Variants in CFAP144 observed in about 807,000 individuals in gnomAD.
The protein encoded by CFAP144 is cilia- and flagella-associated protein 144.
the CFAP144 span, chr1:43,156,100 C>T: frequency 1.0e-4 from 90 of 886,104 alleles, 1 homozygote; most frequent in African/African-American, 1.3e-3. Context: ...AATGCAGCCA[C>T]AGGCTGGGAG....
the CFAP144 span, among the ~76,000 whole-genome samples, chr1:43,148,430 TCTTCAGG>T: frequency 6.6e-6 from 1 of 152,214 alleles, no homozygotes; most frequent in Non-Finnish European, 1.5e-5. Flanking sequence ...GAAAGGTTTT[TCTTCAGG>T]CTTCTGATAT....
the CFAP144 span, among the ~76,000 whole-genome samples, chr1:43,154,885 AT>A: frequency 0.19 from 29,097 of 152,064 alleles, 3,740 homozygotes; most frequent in African/African-American, 0.34. Context: ...AACATCAGGG[AT>A]AAGGGCAGAT....
At chr1:43,154,209 T>A in the CFAP144 span, among the ~76,000 whole-genome samples, 24 of 139,102 alleles carry the variant, frequency 1.7e-4, no homozygotes, top group Non-Finnish European at 2.8e-4. Context: ...AAATTATATA[T>A]AAATTATTAT....
chr1:43,148,049 T>G, the CFAP144 span: 1 of 1,613,744 alleles, frequency 6.2e-7, no homozygotes, highest in Non-Finnish European at 8.5e-7. Flanking sequence ...ACCCAGAAAC[T>G]CTACACGCAG....
At chr1:43,145,156 C>T in the CFAP144 span, 1 of 976,486 alleles carries the variant, frequency 1.0e-6, no homozygotes, top group Non-Finnish European at 1.6e-6. Context: ...GCCTGGTCAG[C>T]CAGCCTGCAT....
the CFAP144 span, chr1:43,156,185 A>G: frequency 6.2e-7 from 1 of 1,610,392 alleles, no homozygotes; most frequent in South Asian, 1.1e-5. Flanking sequence ...CTTCTTTCTG[A>G]TTCTGCATCC....
At chr1:43,145,742 G>A in the CFAP144 span, among the ~76,000 whole-genome samples, 1 of 152,144 alleles carries the variant, frequency 6.6e-6, no homozygotes, top group African/African-American at 2.4e-5. Flanking sequence ...AACTTGACAA[G>A]CTCATTATAA....
chr1:43,144,061 C>G, the CFAP144 span, among the ~76,000 whole-genome samples: 1 of 152,218 alleles, frequency 6.6e-6, no homozygotes. Context: ...GGGAAGGAGA[C>G]TGAGGCACTA....
the CFAP144 span, among the ~76,000 whole-genome samples, chr1:43,144,162 CCTA>C: frequency 6.6e-6 from 1 of 152,162 alleles, no homozygotes. Flanking sequence ...TCGATCTTTG[CCTA>C]CTGAGGGCAA....
At chr1:43,154,062 G>GTGTATATA in the CFAP144 span, among the ~76,000 whole-genome samples, 16 of 83,652 alleles carry the variant, frequency 1.9e-4, no homozygotes, top group South Asian at 8.6e-4. Flanking sequence ...ATATGTGTGT[G>GTGTATATA]TATATATATA....
chr1:43,152,829 C>A, the CFAP144 span: 1 of 1,608,360 alleles, frequency 6.2e-7, no homozygotes, highest in Admixed American at 1.7e-5. Flanking sequence ...GTCTCCCAGC[C>A]AGGTTTCTGA....
At chr1:43,154,449 C>T in the CFAP144 span, among the ~76,000 whole-genome samples, 2 of 136,004 alleles carry the variant, frequency 1.5e-5, no homozygotes, top group African/African-American at 3.2e-5. Context: ...TACATATATA[C>T]GCACCTACAA....
the CFAP144 span, among the ~76,000 whole-genome samples, chr1:43,154,060 GTGTATATATATA>G: frequency 1.1e-4 from 8 of 71,762 alleles, no homozygotes; most frequent in African/African-American, 3.1e-4. Flanking sequence ...ATATATGTGT[GTGTATATATATA>G]TATATATATA....
the CFAP144 span, among the ~76,000 whole-genome samples, chr1:43,147,580 T>A: frequency 1.3e-5 from 2 of 152,124 alleles, no homozygotes; most frequent in African/African-American, 4.8e-5. Context: ...AAAGCTTTTT[T>A]AGGAAATGAT....
chr1:43,152,183 G>A, the CFAP144 span, among the ~76,000 whole-genome samples: 1 of 152,128 alleles, frequency 6.6e-6, no homozygotes, highest in Non-Finnish European at 1.5e-5. Flanking sequence ...GCGTCTCTCC[G>A]GTGGAGACTC....
chr1:43,155,592 T>C, the CFAP144 span, among the ~76,000 whole-genome samples: 2 of 152,192 alleles, frequency 1.3e-5, no homozygotes, highest in African/African-American at 4.8e-5. Flanking sequence ...AACCATGAGA[T>C]GCAGGTGTTG....
chr1:43,143,274 G>A, the CFAP144 span, among the ~76,000 whole-genome samples: 4 of 152,134 alleles, frequency 2.6e-5, no homozygotes, highest in African/African-American at 9.7e-5. Flanking sequence ...AAATACACAG[G>A]AAGCAATGTC....
the CFAP144 span, chr1:43,152,666 A>G: frequency 4.5e-6 from 3 of 663,442 alleles, no homozygotes; most frequent in East Asian, 8.5e-5. Flanking sequence ...TATTTGTTGA[A>G]AGATGAGTGG....
chr1:43,152,070 C>T, the CFAP144 span, among the ~76,000 whole-genome samples: 1 of 152,088 alleles, frequency 6.6e-6, no homozygotes, highest in Non-Finnish European at 1.5e-5. Context: ...AGACATTTTC[C>T]TCCCATTTCA....
Sources: gnomAD v4.1 joint callset for allele counts (sites outside exome capture counted in the v4.1 genomes callset) on GRCh38, gnomAD v4.1.1 for gene constraint, MANE v1.5 for transcripts, NCBI Gene and HGNC (gene_info 2026-07-23, HGNC 2026-07-21) for gene names.